RAD51B: variants seen among roughly 807,000 people sequenced by gnomAD.
RAD51B encodes DNA repair protein RAD51 homolog 2.
Under a neutral mutation model 42.2 loss-of-function variants are expected in RAD51B, and 38 were observed. The ratio of observed to expected loss-of-function variants is 0.90; its 90% confidence interval spans 0.70 to 1.18. RAD51B has a LOEUF of 1.18. Among genes scored for constraint, RAD51B ranks in the 50% most tolerant of loss-of-function variants. The pLI is 0.00. For synonymous variants in RAD51B, 154 were observed against 145.2 expected, an observed-to-expected ratio of 1.06 and a Z score of -0.43; for missense variants, 373 against 400.7, an observed-to-expected ratio of 0.93 and a Z score of 0.59.
At chr14:68,083,085 T>C (rs1233292141) in intron 7 of RAD51B, among the ~76,000 whole-genome samples, 1 of 152,216 alleles carries the variant, frequency 6.6e-6, no homozygotes, top group Admixed American at 6.5e-5. Context: ...ACATATCCTA[T>C]GTTTCAATTA....
At chr14:68,336,541 T>C (rs2082459008) in intron 8 of RAD51B, among the ~76,000 whole-genome samples, 1 of 152,214 alleles carries the variant, frequency 6.6e-6, no homozygotes, top group South Asian at 2.1e-4. Flanking sequence ...ATACATAGAT[T>C]GCTATTTTGA....
intron 10 of RAD51B, among the ~76,000 whole-genome samples, chr14:68,622,952 G>A (rs2140116736): frequency 6.6e-6 from 1 of 152,276 alleles, no homozygotes; most frequent in Admixed American, 6.5e-5. Flanking sequence ...AAGTGAGGAA[G>A]GCAGGCCCCT....
At chr14:68,547,405 T>G (rs751005605) in intron 10 of RAD51B, among the ~76,000 whole-genome samples, 11 of 152,102 alleles carry the variant, frequency 7.2e-5, no homozygotes, top group Non-Finnish European at 1.6e-4. Context: ...TTTACTCAAG[T>G]CACTGAACAT....
chr14:67,951,891 A>G (rs187834018), intron 7 of RAD51B, among the ~76,000 whole-genome samples: 1 of 152,258 alleles, frequency 6.6e-6, no homozygotes, highest in African/African-American at 2.4e-5. Context: ...ATATGGAAAC[A>G]TTCCTGGACC....
rs1298150895 is a variant in RAD51B at position 68,229,784 on chromosome 14, T to G, written c.757-62100T>G. On this transcript the variant is annotated intron_variant, in intron 7 of 10. Coordinates refer to ENST00000471583, the MANE Select transcript of RAD51B (RefSeq NM_133510.4). The stretch of plus-strand genomic sequence containing the variant: ...ATACACAACAGGGCAAGATCCTGGC[T>G]CTAGTTTGGGATTCGTCATGTCTTT... 2.0e-5 allele frequency among the ~76,000 whole-genome samples: 3 copies of G among 152,170 alleles called. No individual in the cohort carries two copies. In the East Asian group the frequency reaches 5.8e-4, roughly 29 times the overall value.
chr14:68,596,908 C>G (rs1040096051), downstream of RAD51B, among the ~76,000 whole-genome samples: 1 of 152,330 alleles, frequency 6.6e-6, no homozygotes. Flanking sequence ...GCCGACTGTT[C>G]CAGCCGGTCA....
At chr14:68,181,439 C>G (rs2079059406) in intron 7 of RAD51B, among the ~76,000 whole-genome samples, 3 of 152,164 alleles carry the variant, frequency 2.0e-5, no homozygotes, top group Admixed American at 6.5e-5. Flanking sequence ...AACTTTCATC[C>G]CAAAGGGAAG....
chr14:68,647,220 A>T (rs1199078616), intron 10 of RAD51B, among the ~76,000 whole-genome samples: 1 of 152,194 alleles, frequency 6.6e-6, no homozygotes, highest in African/African-American at 2.4e-5. Context: ...AATTTTATTC[A>T]GATCTTCTCC....
At chr14:68,105,405 A>G (rs1735541247) in intron 7 of RAD51B, among the ~76,000 whole-genome samples, 1 of 152,022 alleles carries the variant, frequency 6.6e-6, no homozygotes. Flanking sequence ...TGTATGTTAT[A>G]TATGTATGAT....
chr14:68,657,062 G>A (rs1424547028), intron 11 of RAD51B, among the ~76,000 whole-genome samples: 10 of 152,186 alleles, frequency 6.6e-5, no homozygotes, highest in Admixed American at 5.9e-4. Flanking sequence ...AAGATGGAAT[G>A]TTCTAGAGTT....
chr14:68,676,281 G>A (rs1311571159), intron 11 of RAD51B, among the ~76,000 whole-genome samples: 1 of 152,160 alleles, frequency 6.6e-6, no homozygotes, highest in Non-Finnish European at 1.5e-5. Context: ...GGGTCATTCA[G>A]CTGGTACATG....
At chr14:68,434,070 C>G (rs971844775) in intron 9 of RAD51B, among the ~76,000 whole-genome samples, 2 of 152,230 alleles carry the variant, frequency 1.3e-5, no homozygotes, top group East Asian at 3.8e-4. Context: ...TATTGCTAAA[C>G]AGCAAATGTT....
intron 7 of RAD51B, among the ~76,000 whole-genome samples, chr14:68,164,544 T>G (rs1179196202): frequency 1.3e-5 from 2 of 152,240 alleles, no homozygotes; most frequent in East Asian, 3.8e-4. Flanking sequence ...CCGCGGGCTT[T>G]CTGGGGCTAG....
chr14:68,391,811 T>C (rs1405283231), intron 8 of RAD51B, among the ~76,000 whole-genome samples: 1 of 152,164 alleles, frequency 6.6e-6, no homozygotes, highest in Non-Finnish European at 1.5e-5. Flanking sequence ...AACTCAGATA[T>C]TACAAAAATG....
At chr14:68,272,663 A>ATTTTTTTTTTTTTTTTTTTTT (rs2081138650) in intron 7 of RAD51B, among the ~76,000 whole-genome samples, 1 of 17,122 alleles carries the variant, frequency 5.8e-5, no homozygotes, top group Non-Finnish European at 1.0e-4. Flanking sequence ...ATATATATAT[A>ATTTTTTTTTTTTTTTTTTTTT]TATTTTTTTT....
chr14:68,657,694 C>T (rs1251461294), intron 11 of RAD51B, among the ~76,000 whole-genome samples: 1 of 152,246 alleles, frequency 6.6e-6, no homozygotes, highest in Admixed American at 6.5e-5. Context: ...AGGAAGCCTG[C>T]AGGCAGGAAA....
intron 7 of RAD51B, among the ~76,000 whole-genome samples, chr14:68,209,694 G>A (rs535900558): frequency 6.6e-6 from 1 of 152,086 alleles, no homozygotes. Context: ...CCTGCCCTTC[G>A]GATACACATG....
At chr14:68,680,932 G>A (rs184554958) in intron 11 of RAD51B, among the ~76,000 whole-genome samples, 60 of 152,130 alleles carry the variant, frequency 3.9e-4, no homozygotes, top group Non-Finnish European at 7.1e-4. Flanking sequence ...AGTTTGGGGT[G>A]TTTTTTTAAG....
intron 9 of RAD51B, among the ~76,000 whole-genome samples, chr14:68,460,381 A>C (rs550180755): frequency 4.9e-4 from 74 of 152,272 alleles, no homozygotes; most frequent in African/African-American, 1.7e-3. Context: ...TGAACCTGTG[A>C]GGCGGAGGTT....
Sources: allele counts gnomAD v4.1 joint callset (sites outside exome capture counted in the v4.1 genomes callset), GRCh38; gene constraint gnomAD v4.1.1; transcripts MANE v1.5; gene names NCBI Gene and HGNC (gene_info 2026-07-23, HGNC 2026-07-21).